PCNX3: variants seen among roughly 807,000 people sequenced by gnomAD.
PCNX3 encodes the protein pecanex-like protein 3.
A neutral mutation model predicts 207.2 loss-of-function variants in PCNX3; 58 were observed. The ratio of observed to expected loss-of-function variants is 0.28; its 90% CI spans 0.23 to 0.35. The LOEUF (loss-of-function observed/expected upper bound fraction) is 0.35. Ranked by LOEUF, PCNX3 falls within the 10% of genes least tolerant of loss-of-function variation. The pLI is 1.00. For missense variants in PCNX3, 2,410 were observed against 2,774.4 expected (o/e 0.87, Z 2.95); for synonymous variants, 1,337 against 1,183.5 (o/e 1.13, Z -2.66).
At position 65,623,484 on chromosome 11, in the gene PCNX3, C is replaced by G. The variant is rs368671176; in HGVS notation, c.2358-7C>G. On this transcript the variant is annotated splice_region_variant and splice_polypyrimidine_tract_variant and intron_variant, in intron 11 of 34. Coordinates refer to ENST00000355703, the MANE Select transcript of PCNX3 (RefSeq NM_032223.4). ...ACGGGCACGCCCTGACTAGGCTGTCCCTGCAGGACGCGGGGAGTGCTGGAG... is the reference window on the plus strand; with the variant it reads ...ACGGGCACGCCCTGACTAGGCTGTCGCTGCAGGACGCGGGGAGTGCTGGAG... 430 of 1,595,194 alleles carry G rather than the reference C, an allele frequency of 2.7e-4. 1 individual carries two copies. The African/African-American group carries it at 3.8e-3, about 14-fold the overall frequency.
At position 65,637,171 on chromosome 11, in the gene PCNX3, T is replaced by G; in HGVS notation, c.*193T>G. On this transcript the variant is annotated 3_prime_UTR_variant, in exon 35 of 35. Transcript: ENST00000355703. ...GACCCCTGATCTCTCTCATCCCCAG[T>G]CCAGGGCCTGGGCTCCCCAGATGGA... 3.1e-6 allele frequency: 2 copies of G among 642,942 alleles called. No homozygotes were observed. The highest frequency in any genetic ancestry group is 2.6e-6 in the Non-Finnish European group (1 of 380,020). 39.8% of individuals were successfully genotyped at this position (642,942 alleles called of 1,614,324 possible).
At chr11:65,616,526 C>T (rs560022876) in intron 1 of PCNX3, 62 bp downstream of exon 1, 11 of 1,524,918 alleles carry the variant, frequency 7.2e-6, no homozygotes, top group Admixed American at 7.2e-5. Context: ...GGCAGGGATT[C>T]AGGGCAGTGC....
chr11:65,617,148 T>G, intron 2 of PCNX3, 102 bp from the exon 3 acceptor site: 1 of 1,402,764 alleles, frequency 7.1e-7, no homozygotes, highest in East Asian at 2.5e-5. Flanking sequence ...AGCCCTGGAA[T>G]TGTAAAGTGA....
At chr11:65,628,539 G>A in intron 22 of PCNX3, 56 bp from the exon 23 acceptor site, 1 of 1,539,096 alleles carries the variant, frequency 6.5e-7, no homozygotes, top group Non-Finnish European at 8.9e-7. Context: ...TGGCATCCGG[G>A]GGCTTCCATG....
At position 65,636,779 on chromosome 11, in the gene PCNX3, T is replaced by G; in HGVS notation, c.5906T>G (p.Leu1969Arg). Residue 1969 changes from leucine to arginine, a missense_variant, in exon 35 of 35, where the codon CTC (leucine) becomes CGC (arginine). Around this residue, in one of 8 missense-constraint regions of PCNX3, gnomAD observed 278 missense variants for 245.1 expected, o/e 1.13. Transcript: ENST00000355703. ...CCCCTCCCCCAGGCGCCTCTAGACC[T>G]CAGCCTCAGCCTCAGCCTCAGCCTC... ...GTPKSQAPLD[L>R]SLSLSLSLSP... The G allele has an allele frequency of 1.3e-6, 2 of 1,511,468 alleles. No individual in the cohort carries two copies. Among genetic ancestry groups the G allele is most frequent in the Non-Finnish European group, 1.8e-6 (2 of 1,128,402 alleles). 93.6% of individuals were successfully genotyped at this position (1,511,468 alleles called of 1,614,324 possible).
chr11:65,617,754 T>G (rs1187867989), intron 5 of PCNX3, 48 bp downstream of exon 5: 1 of 1,541,960 alleles, frequency 6.5e-7, no homozygotes, highest in East Asian at 2.4e-5. Flanking sequence ...ACCAGCTGTT[T>G]CGTTGTTGAA....
Position 65,625,179 on chromosome 11 carries a change from G to A in PCNX3, c.2928G>A (p.Trp976Ter). 1 of 1,607,286 alleles carries A rather than the reference G, an allele frequency of 6.2e-7. No individual in the cohort carries two copies. Residue 976 changes from tryptophan (W) to a stop codon, truncating the protein, a stop_gained, in exon 17 of 35, where the codon TGG (tryptophan) becomes TGA (stop). Coordinates refer to ENST00000355703, the MANE Select transcript of PCNX3 (RefSeq NM_032223.4). LOFTEE classifies it high-confidence loss of function. The surrounding 1 kb of genome is among the most constrained non-coding windows in gnomAD (Gnocchi z 5.6). ...ATGGATTCTCTCCGCAGACTCCGTG[G>A]CCAGAGCAGCACGTCCCTGTCCTCT... The part of the protein sequence containing the change: ...GFCLGAIKTP[W>*]PEQHVPVLFS...
chr11:65,631,146 C>T (rs972812973), intron 27 of PCNX3, among the ~76,000 whole-genome samples: 3 of 152,104 alleles, frequency 2.0e-5, no homozygotes, highest in African/African-American at 7.3e-5. Context: ...CAGGCTGGCC[C>T]TGAGCCACAG....
In PCNX3 at chr11:65,624,672, CCTT is replaced by C. The variant is rs1855286896; in HGVS notation, c.2827+94_2827+96del. On this transcript the variant is annotated intron_variant, in intron 15 of 34. Transcript: ENST00000355703. ...GGTCCTTGGCTCCACCCTTGCGGAA[CCTT>C]CTCCTGCGTCTGTACTGCAGACTCA... 3 of 1,217,796 alleles carry C rather than the reference CCTT, an allele frequency of 2.5e-6. No homozygotes were observed. In the East Asian group the frequency reaches 7.7e-5, roughly 31 times the overall value. The allele number at this position is 1,217,796 out of a possible 1,614,324, so 75.4% of individuals were successfully genotyped here. A position where few individuals can be genotyped will look rare whatever the true frequency, so the allele number is the denominator to read the frequency against.
In PCNX3 at chr11:65,636,457, G is replaced by A; in HGVS notation, c.5660G>A (p.Gly1887Asp). ...WGPRSSLSGS[G>D]DGRPPPLLQW... ...CCGCGGTCCTCCCTGAGTGGCTCTG[G>A]TGATGGGCGGCCCCCACCTCTGCTG... Residue 1887 changes from glycine to aspartate, a missense_variant, in exon 34 of 35, where the codon GGT becomes GAT. Coordinates refer to ENST00000355703, the MANE Select transcript of PCNX3 (RefSeq NM_032223.4). 6.4e-7 allele frequency: 1 copy of A among 1,558,448 alleles called. No individual in the cohort carries two copies. Among genetic ancestry groups the A allele is most frequent in the Non-Finnish European group, 8.7e-7 (1 of 1,154,166 alleles).
intron 8 of PCNX3, 146 bp from the exon 9 acceptor site, chr11:65,620,193 G>A (rs1855012707): frequency 5.5e-6 from 5 of 901,046 alleles, no homozygotes; most frequent in Non-Finnish European, 8.3e-6. Flanking sequence ...TGACCTGTAG[G>A]CCCTTTCCTC....
At position 65,635,882 on chromosome 11, in the gene PCNX3, G is replaced by A. The variant is rs961931217; in HGVS notation, c.5459+79G>A. On this transcript the variant is annotated intron_variant, in intron 32 of 34. Transcript: ENST00000355703. This position sits in a 1 kb window ranked among gnomAD's most constrained non-coding sequence, Gnocchi z 9.9. ...ACGTCCCTCCTGGGTCTCAGAGGGA[G>A]GACGTGCTGGAGCCAGGGCTTGAAT... 3 of 1,479,720 alleles carry A rather than the reference G, an allele frequency of 2.0e-6. No individual in the cohort carries two copies. The highest frequency in any genetic ancestry group is 4.5e-5 in the Admixed American group (2 of 44,880). The allele number at this position is 1,479,720 out of a possible 1,614,324, so 91.7% of individuals were successfully genotyped here.
At chr11:65,631,800 C>T (rs993649809) in intron 27 of PCNX3, among the ~76,000 whole-genome samples, 1 of 151,820 alleles carries the variant, frequency 6.6e-6, no homozygotes, top group African/African-American at 2.4e-5. Flanking sequence ...GGTGGGTGGC[C>T]TACTGGGGCC....
chr11:65,628,348 T>G (rs1855486827), intron 22 of PCNX3, among the ~76,000 whole-genome samples: 1 of 152,196 alleles, frequency 6.6e-6, no homozygotes, highest in Non-Finnish European at 1.5e-5. Context: ...GCAATAGGAA[T>G]AAGAAGCTCA....
At chr11:65,617,159 C>A (rs571087592) in intron 2 of PCNX3, 91 bp from the exon 3 acceptor site, 1 of 1,421,606 alleles carries the variant, frequency 7.0e-7, no homozygotes, top group Non-Finnish European at 9.6e-7. Context: ...TGTAAAGTGA[C>A]TTCTGAAAAA....
In PCNX3 at chr11:65,618,754, A is replaced by T. The variant is rs565222890; in HGVS notation, c.1392A>T (p.Gly464=). 2 of 1,611,172 alleles carry T rather than the reference A, an allele frequency of 1.2e-6. No individual in the cohort carries two copies. Among genetic ancestry groups the T allele is most frequent in the Non-Finnish European group, 1.7e-6 (2 of 1,179,098 alleles). ...SPESSRGAAG[G]PRKRRAPHGA... The stretch of plus-strand genomic sequence containing the variant: ...AGAGCTCCCGGGGTGCAGCAGGGGG[A>T]CCCCGGAAGCGGAGGGCCCCCCATG... Residue 464 remains glycine, a synonymous_variant, in exon 6 of 35, where the codon GGA becomes GGT. Coordinates refer to ENST00000355703, the MANE Select transcript of PCNX3 (RefSeq NM_032223.4).
At chr11:65,627,704 C>A (rs1855460042) in intron 22 of PCNX3, 122 bp downstream of exon 22, 2 of 1,223,976 alleles carry the variant, frequency 1.6e-6, no homozygotes, top group Non-Finnish European at 2.3e-6. Flanking sequence ...GCCCCGTGGG[C>A]CTTTGCAGCA....
In PCNX3 at chr11:65,624,188, C is replaced by G; in HGVS notation, c.2545-7C>G. On this transcript the variant is annotated splice_region_variant and splice_polypyrimidine_tract_variant and intron_variant, in intron 13 of 34. Transcript: ENST00000355703. Reference sequence around the variant, plus strand: ...GAGACCCAGCTCCTCATGGGCTGACCCCTCAGGGCCACAACTGGGTGATCG... The same window carrying G: ...GAGACCCAGCTCCTCATGGGCTGACGCCTCAGGGCCACAACTGGGTGATCG... 5 of 1,600,552 alleles carry G rather than the reference C, an allele frequency of 3.1e-6. No homozygotes were observed. In the South Asian group the frequency reaches 4.5e-5, roughly 14 times the overall value.
chr11:65,627,953 G>A (rs527588387), intron 22 of PCNX3, among the ~76,000 whole-genome samples: 6 of 152,290 alleles, frequency 3.9e-5, no homozygotes, highest in East Asian at 3.9e-4. Context: ...AGAGCAGTCC[G>A]AGCTGAGTTT....
Sources: allele counts gnomAD v4.1 joint callset (sites outside exome capture counted in the v4.1 genomes callset), GRCh38; gene constraint gnomAD v4.1.1; regional missense constraint gnomAD v4.1.1; non-coding constraint Gnocchi (gnomAD v3.1); transcripts MANE v1.5; gene names NCBI Gene and HGNC (gene_info 2026-07-23, HGNC 2026-07-21).